The following SH3YL1 variants were observed in gnomAD, a reference collection of about 807,000 sequenced individuals.
The protein encoded by SH3YL1 is SH3 domain-containing YSC84-like protein 1.
SH3YL1 carries 41 observed loss-of-function variants against 45.8 expected under a neutral mutation model. That is an observed-to-expected ratio of 0.89 (90% CI 0.70 to 1.16). The LOEUF is 1.16. Ranked by LOEUF, SH3YL1 falls within the 50% of genes most tolerant of loss-of-function variation. The probability of loss-of-function intolerance (pLI) is 0.00; values close to 1 mark genes in which losing one functional copy is unlikely to be tolerated. For missense variants in SH3YL1, 389 were observed against 409.6 expected (o/e 0.95, Z 0.43); for synonymous variants, 152 against 151.4 (o/e 1.00, Z -0.03).
intron 1 of SH3YL1, among the ~76,000 whole-genome samples, chr2:253,535 A>G (rs1669171619): frequency 6.6e-6 from 1 of 152,226 alleles, no homozygotes; most frequent in South Asian, 2.1e-4. Context: ...AACATCAGGA[A>G]GTTACCCTAT....
chr2:238,975 A>G (rs1461028), intron 4 of SH3YL1, among the ~76,000 whole-genome samples: 45,745 of 152,052 alleles, frequency 0.3, 7,561 homozygotes, highest in East Asian at 0.59. Context: ...TCGAACATAA[A>G]TTAACCCCAC....
intron 5 of SH3YL1, 33 bp downstream of exon 5, chr2:234,127 C>T: frequency 6.9e-7 from 1 of 1,457,586 alleles, no homozygotes. Context: ...GTTGTTAAAC[C>T]TTTACTGTCT....
intron 4 of SH3YL1, chr2:243,657 C>A: frequency 7.3e-7 from 1 of 1,365,902 alleles, no homozygotes; most frequent in Non-Finnish European, 9.8e-7. Context: ...AACAGCCTTG[C>A]TTGGACCTTT....
chr2:229,849 AAT>A, intron 8 of SH3YL1, 115 bp downstream of exon 8: 1 of 742,096 alleles, frequency 1.3e-6, no homozygotes, highest in Admixed American at 2.6e-5. Context: ...TTTACTCTTA[AAT>A]ATGTTAGTTC....
At chr2:254,903 A>T (rs181559911) in intron 1 of SH3YL1, among the ~76,000 whole-genome samples, 2 of 152,324 alleles carry the variant, frequency 1.3e-5, no homozygotes, top group Non-Finnish European at 2.9e-5. Flanking sequence ...CTAATCAGAC[A>T]CTCAAAAGAA....
At chr2:219,094 G>A (rs1272246348) in intron 9 of SH3YL1, 93 bp from the exon 10 acceptor site, 1 of 983,388 alleles carries the variant, frequency 1.0e-6, no homozygotes, top group Admixed American at 2.9e-5. Flanking sequence ...CTTAGGGCTT[G>A]GCATGCTGAT....
chr2:247,648 C>A, intron 3 of SH3YL1, 46 bp from the exon 4 acceptor site: 1 of 1,446,566 alleles, frequency 6.9e-7, no homozygotes, highest in East Asian at 2.5e-5. Context: ...AAAACACCCT[C>A]GACATGTAAA....
intron 4 of SH3YL1, among the ~76,000 whole-genome samples, chr2:237,236 A>T (rs1199224418): frequency 6.6e-6 from 1 of 151,946 alleles, no homozygotes; most frequent in Non-Finnish European, 1.5e-5. Flanking sequence ...CAGTTAAGTA[A>T]GGCCAAGCTA....
At chr2:234,312 C>T in intron 4 of SH3YL1, 40 bp from the exon 5 acceptor site, 4 of 1,465,302 alleles carry the variant, frequency 2.7e-6, no homozygotes, top group African/African-American at 1.4e-5. Flanking sequence ...ATCGTTAAGA[C>T]TAAATATCAT....
chr2:244,045 G>A (rs1042972802), intron 4 of SH3YL1, among the ~76,000 whole-genome samples: 1 of 152,146 alleles, frequency 6.6e-6, no homozygotes, highest in South Asian at 2.1e-4. Flanking sequence ...ATGCTGCCTG[G>A]ATGTGGGAGC....
chr2:234,074 C>A, intron 5 of SH3YL1, 86 bp downstream of exon 5: 1 of 986,214 alleles, frequency 1.0e-6, no homozygotes, highest in South Asian at 1.5e-5. Context: ...CAAATCTGTT[C>A]ATTTTAATTC....
chr2:249,718 G>A lies in SH3YL1; in HGVS notation c.226+13C>T. On this transcript the variant is annotated intron_variant, in intron 3 of 9. Transcript: ENST00000356150. ...TGAAGACTCTCTACTCCAGTGAACA[G>A]ACGCCAACTTACTTCCATCTGGAAG... The A allele has an allele frequency of 6.5e-7, 1 of 1,536,414 alleles. No individual in the cohort carries two copies. Among genetic ancestry groups the A allele is most frequent in the Non-Finnish European group, 8.8e-7 (1 of 1,133,094 alleles).
intron 4 of SH3YL1, chr2:240,533 T>G (rs920160722): frequency 6.6e-6 from 1 of 152,148 alleles, no homozygotes; most frequent in Non-Finnish European, 1.5e-5. Flanking sequence ...TCTAGAAAAT[T>G]ATCAGGGAGA....
chr2:263,272 G>A (rs1248503916), intron 1 of SH3YL1: 1 of 154,348 alleles, frequency 6.5e-6, no homozygotes, highest in Non-Finnish European at 1.4e-5. Context: ...CAGGAGCATG[G>A]GCATATTGGT....
chr2:220,456 T>C (rs1422534259), intron 9 of SH3YL1, among the ~76,000 whole-genome samples: 4 of 152,182 alleles, frequency 2.6e-5, no homozygotes, highest in Non-Finnish European at 4.4e-5. Flanking sequence ...CTATATTTAC[T>C]TTTAGTTAAC....
intron 4 of SH3YL1, among the ~76,000 whole-genome samples, chr2:244,061 C>T (rs575605993): frequency 6.6e-6 from 1 of 152,314 alleles, no homozygotes; most frequent in East Asian, 1.9e-4. Context: ...GGAGCAGACG[C>T]TTCCCAATCT....
chr2:234,176 C>A lies in SH3YL1; in HGVS notation c.388G>T (p.Val130Phe), dbSNP rs1486469700. The A allele has an allele frequency of 1.2e-6, 2 of 1,613,740 alleles. No individual in the cohort carries two copies. The highest frequency in any genetic ancestry group is 1.7e-6 in the Non-Finnish European group (2 of 1,179,830). The change falls in exon 5 of 10, where the codon GTT becomes TTT. Residue 130 changes from valine to phenylalanine, a missense_variant. Transcript: ENST00000356150. ...LTLGGNLTVA[V>F]GPLGRNLEGN... ...AGAACTCACCTTCCCAAGGGCCCAACCGCCACAGTCAAGTTCCCTCCGAGG... is the reference window on the plus strand; with the variant it reads ...AGAACTCACCTTCCCAAGGGCCCAAACGCCACAGTCAAGTTCCCTCCGAGG...
In SH3YL1 at chr2:218,571, G is replaced by A. The variant is rs1667444362; in HGVS notation, c.*240C>T. The A allele has an allele frequency of 2.6e-6, 1 of 389,758 alleles. No individual in the cohort carries two copies. The highest frequency in any genetic ancestry group is 2.1e-5 in the African/African-American group (1 of 48,568). The allele number at this position is 389,758 out of a possible 1,614,324, so 24.1% of individuals were successfully genotyped here. A position where few individuals can be genotyped will look rare whatever the true frequency, so the allele number is the denominator to read the frequency against. On this transcript the variant is annotated 3_prime_UTR_variant, in exon 10 of 10. Coordinates refer to ENST00000356150, the MANE Select transcript of SH3YL1 (RefSeq NM_015677.4). ...TTTGAAGTGTTCACAAGAGAACTATGAGCGTATAAACTGTATGATATTCTA... is the reference window on the plus strand; with the variant it reads ...TTTGAAGTGTTCACAAGAGAACTATAAGCGTATAAACTGTATGATATTCTA...
chr2:248,092 G>C (rs1668913985), intron 3 of SH3YL1, among the ~76,000 whole-genome samples: 1 of 152,162 alleles, frequency 6.6e-6, no homozygotes, highest in Non-Finnish European at 1.5e-5. Flanking sequence ...CACCTCTCGT[G>C]CTTAAGCAGA....
Sources: allele counts gnomAD v4.1 joint callset (sites outside exome capture counted in the v4.1 genomes callset), GRCh38; gene constraint gnomAD v4.1.1; transcripts MANE v1.5; gene names NCBI Gene and HGNC (gene_info 2026-07-23, HGNC 2026-07-21).